The following RAD54B variants were observed in gnomAD, a reference collection of about 807,000 sequenced individuals.
The protein encoded by RAD54B is RAD54 homolog B.
Under a neutral mutation model 95.8 loss-of-function variants are expected in RAD54B, and 78 were observed. The observed-to-expected ratio is 0.81, with a 90% CI of 0.68 to 0.98. The LOEUF (loss-of-function observed/expected upper bound fraction) is 0.98. RAD54B is among the 50% of genes least tolerant of loss of function. The probability of loss-of-function intolerance (pLI) is 0.00; values close to 1 mark genes in which losing one functional copy is unlikely to be tolerated. For synonymous variants in RAD54B, 328 were observed against 354.9 expected, an observed-to-expected ratio of 0.92 and a Z score of 0.85; for missense variants, 957 against 1,056.6, an observed-to-expected ratio of 0.91 and a Z score of 1.31.
intron 11 of RAD54B, among the ~76,000 whole-genome samples, chr8:94,385,407 T>G (rs1586124108): frequency 6.6e-6 from 1 of 151,076 alleles, no homozygotes; most frequent in African/African-American, 2.4e-5. Context: ...GAAGCTAAAG[T>G]GAAAGTTTGC....
chr8:94,454,386 C>A (rs762245679), intron 3 of RAD54B, among the ~76,000 whole-genome samples: 3 of 151,998 alleles, frequency 2.0e-5, no homozygotes, highest in Non-Finnish European at 4.4e-5. Context: ...CTAAATGCCA[C>A]TTAATTGTAT....
intron 3 of RAD54B, among the ~76,000 whole-genome samples, chr8:94,452,588 C>T (rs1443734805): frequency 6.6e-6 from 1 of 152,126 alleles, no homozygotes; most frequent in East Asian, 1.9e-4. Flanking sequence ...AAGCTCCGCT[C>T]CTGGGTTCAC....
At chr8:94,378,741 C>A in intron 12 of RAD54B, 107 bp from the exon 13 acceptor site, 1 of 724,362 alleles carries the variant, frequency 1.4e-6, no homozygotes, top group Non-Finnish European at 2.2e-6. Flanking sequence ...CTATATTTTA[C>A]ATACAGCTTC....
chr8:94,395,246 A>G (rs557163332), intron 8 of RAD54B, among the ~76,000 whole-genome samples: 1 of 152,304 alleles, frequency 6.6e-6, no homozygotes, highest in South Asian at 2.1e-4. Flanking sequence ...AGAGCCTAAG[A>G]CAGTGATTTG....
chr8:94,465,466 C>T (rs950708198), intron 2 of RAD54B, among the ~76,000 whole-genome samples: 1 of 152,142 alleles, frequency 6.6e-6, no homozygotes, highest in Non-Finnish European at 1.5e-5. Flanking sequence ...TACCACTTCA[C>T]AACTACTGAG....
chr8:94,458,267 C>T lies in RAD54B; in HGVS notation c.304+1G>A. ...ACCTTATCAATAAAAAGCAGTCTTACCTGTATGAGGTGGATCTAATGTTGC... is the reference window on the plus strand; with the variant it reads ...ACCTTATCAATAAAAAGCAGTCTTATCTGTATGAGGTGGATCTAATGTTGC... On this transcript the variant is annotated splice_donor_variant, in intron 3 of 14. Transcript: ENST00000336148. LOFTEE classifies it high-confidence loss of function. 6.3e-7 allele frequency: 1 copy of T among 1,593,352 alleles called. No individual in the cohort carries two copies. Among genetic ancestry groups the T allele is most frequent in the Non-Finnish European group, 8.5e-7 (1 of 1,173,368 alleles).
intron 3 of RAD54B, among the ~76,000 whole-genome samples, chr8:94,415,986 T>C (rs2130053668): frequency 6.7e-6 from 1 of 149,846 alleles, no homozygotes; most frequent in Admixed American, 6.7e-5. Context: ...GAACTAGAAA[T>C]ACCATTTGAC....
At chr8:94,443,741 C>T (rs1480375021) in intron 3 of RAD54B, among the ~76,000 whole-genome samples, 1 of 151,834 alleles carries the variant, frequency 6.6e-6, no homozygotes. Flanking sequence ...ATACTGAGTT[C>T]CAGAAACCCT....
intron 11 of RAD54B, 52 bp from the exon 12 acceptor site, chr8:94,380,458 T>A: frequency 6.6e-7 from 1 of 1,518,780 alleles, no homozygotes; most frequent in South Asian, 1.3e-5. Flanking sequence ...CAGCATTAGA[T>A]TTTCTTAGTT....
At chr8:94,433,919 C>T (rs373167090) in intron 3 of RAD54B, among the ~76,000 whole-genome samples, 5 of 151,546 alleles carry the variant, frequency 3.3e-5, no homozygotes, top group Non-Finnish European at 7.4e-5. Flanking sequence ...ACTACCCATA[C>T]GTTACTTACT....
chr8:94,381,959 A>G (rs1810751735), intron 11 of RAD54B, among the ~76,000 whole-genome samples: 1 of 151,994 alleles, frequency 6.6e-6, no homozygotes. Context: ...TAAAAATACA[A>G]AAAAATTAGT....
chr8:94,467,302 A>G (rs1813050936), intron 2 of RAD54B, 103 bp downstream of exon 2: 1 of 1,052,480 alleles, frequency 9.5e-7, no homozygotes, highest in Non-Finnish European at 1.3e-6. Context: ...GAGATACTGA[A>G]AATTCCTACA....
intron 3 of RAD54B, among the ~76,000 whole-genome samples, chr8:94,441,422 C>G (rs766822953): frequency 1.3e-4 from 20 of 152,136 alleles, no homozygotes; most frequent in Non-Finnish European, 2.4e-4. Context: ...GGTCACAGAA[C>G]TCCAGAAACA....
intron 3 of RAD54B, among the ~76,000 whole-genome samples, chr8:94,422,617 A>AT (rs1180368787): frequency 1.1e-4 from 5 of 43,562 alleles, no homozygotes; most frequent in Admixed American, 3.9e-4. Flanking sequence ...AAAAAAAAAA[A>AT]ATATATATAT....
chr8:94,425,479 G>C (rs1414536012), intron 3 of RAD54B, among the ~76,000 whole-genome samples: 1 of 151,810 alleles, frequency 6.6e-6, no homozygotes, highest in Non-Finnish European at 1.5e-5. Flanking sequence ...ATCATGTTTT[G>C]AGTTTTAAAA....
intron 10 of RAD54B, 73 bp downstream of exon 10, chr8:94,391,534 CCT>C (rs1586129889): frequency 7.0e-7 from 1 of 1,423,542 alleles, no homozygotes; most frequent in African/African-American, 1.5e-5. Flanking sequence ...AGAAATTAGC[CCT>C]GTCTGCCCTC....
At chr8:94,443,985 A>G (rs1230930889) in intron 3 of RAD54B, among the ~76,000 whole-genome samples, 1 of 152,150 alleles carries the variant, frequency 6.6e-6, no homozygotes, top group East Asian at 1.9e-4. Flanking sequence ...ATACAAGTTT[A>G]CCAATTTTTT....
chr8:94,427,818 T>C, intron 3 of RAD54B: 1 of 961,632 alleles, frequency 1.0e-6, no homozygotes, highest in Non-Finnish European at 1.2e-6. Context: ...CTCTAAGTTA[T>C]TTAAACATGT....
At chr8:94,450,441 A>G (rs959192676) in intron 3 of RAD54B, among the ~76,000 whole-genome samples, 1 of 152,212 alleles carries the variant, frequency 6.6e-6, no homozygotes, top group Non-Finnish European at 1.5e-5. Context: ...TTAGGCCCCT[A>G]GGAAAAGTTA....
Sources: gnomAD v4.1 joint callset for allele counts (sites outside exome capture counted in the v4.1 genomes callset) on GRCh38, gnomAD v4.1.1 for gene constraint, MANE v1.5 for transcripts, NCBI Gene and HGNC (gene_info 2026-07-23, HGNC 2026-07-21) for gene names.